The following KCNH8 variants were observed in gnomAD, a reference collection of about 807,000 sequenced individuals.
The protein encoded by KCNH8 is potassium voltage-gated channel subfamily H member 8.
Under a neutral mutation model 103.6 loss-of-function variants are expected in KCNH8, and 70 were observed. The observed-to-expected ratio is 0.68, with a 90% confidence interval of 0.56 to 0.82. KCNH8 has a LOEUF of 0.82. Among genes scored for constraint, KCNH8 ranks in the 40% least tolerant of loss-of-function variants. The pLI is 0.00. For missense variants in KCNH8, 1,217 were observed against 1,329.9 expected (o/e 0.92, Z 1.32); for synonymous variants, 498 against 489.4 (o/e 1.02, Z -0.23).
chr3:19,200,897 A>G (rs2063651550), intron 1 of KCNH8, among the ~76,000 whole-genome samples: 1 of 152,094 alleles, frequency 6.6e-6, no homozygotes, highest in African/African-American at 2.4e-5. Flanking sequence ...ATTTTGAAGT[A>G]TGTAAAAAAA....
At position 19,347,750 on chromosome 3, in the gene KCNH8, T is replaced by A; in HGVS notation, c.596T>A (p.Phe199Tyr). 6.2e-7 allele frequency: 1 copy of A among 1,613,128 alleles called. No homozygotes were observed. The highest frequency in any genetic ancestry group is 8.5e-7 in the Non-Finnish European group (1 of 1,179,324). ...AATGTTTTTGTAGATAAACCAGCATTTCCGGAGTATAAAGTTTCTGATGCA... is the reference window on the plus strand; with the variant it reads ...AATGTTTTTGTAGATAAACCAGCATATCCGGAGTATAAAGTTTCTGATGCA... ...NNNVFVDKPA[F>Y]PEYKVSDAKK... The change falls in exon 5 of 16, where the codon TTT (phenylalanine) becomes TAT (tyrosine). Residue 199 changes from phenylalanine (F) to tyrosine (Y), a missense_variant. By Grantham distance (22) the Phe-to-Tyr change is conservative. This residue lies in a region of KCNH8 where 244 missense variants were observed against 256.8 expected (regional missense o/e 0.95). Coordinates refer to ENST00000328405, the MANE Select transcript of KCNH8 (RefSeq NM_144633.3).
At chr3:19,414,356 T>C (rs1030771255) in intron 7 of KCNH8, among the ~76,000 whole-genome samples, 1 of 151,570 alleles carries the variant, frequency 6.6e-6, no homozygotes, top group Non-Finnish European at 1.5e-5. Context: ...CTAAATAAAA[T>C]TTAAAATAGA....
At position 19,493,813 on chromosome 3, in the gene KCNH8, T is replaced by C. The variant is rs566718743; in HGVS notation, c.2041-16550T>C. Among the ~76,000 whole-genome samples the C allele has an allele frequency of 3.3e-5, 5 of 152,312 alleles. No homozygotes were observed. The East Asian group carries it at 9.6e-4, about 29-fold the overall frequency. ...TCCTTATGTCATTTATATTACAAATTACATTAGTACATGATGAACCATTAA... is the reference window on the plus strand; with the variant it reads ...TCCTTATGTCATTTATATTACAAATCACATTAGTACATGATGAACCATTAA... On this transcript the variant is annotated intron_variant, in intron 11 of 15. Transcript: ENST00000328405.
intron 2 of KCNH8, among the ~76,000 whole-genome samples, chr3:19,266,840 C>T (rs2064519601): frequency 6.6e-6 from 1 of 152,116 alleles, no homozygotes; most frequent in African/African-American, 2.4e-5. Flanking sequence ...CCTCTGACCT[C>T]ATCCTTCACT....
At chr3:19,467,247 C>G (rs940996333) in intron 11 of KCNH8, among the ~76,000 whole-genome samples, 4 of 150,634 alleles carry the variant, frequency 2.7e-5, no homozygotes, top group Admixed American at 2.0e-4. Context: ...GTTAAAATAT[C>G]CTGAGGGAAA....
chr3:19,166,481 G>A (rs530736171), intron 1 of KCNH8, among the ~76,000 whole-genome samples: 87 of 152,284 alleles, frequency 5.7e-4, no homozygotes, highest in African/African-American at 2.1e-3. Flanking sequence ...ACTCAATCCT[G>A]TTGATCAGTG....
At position 19,354,747 on chromosome 3, in the gene KCNH8, T is replaced by C. The variant is rs557611914; in HGVS notation, c.811+6782T>C. On this transcript the variant is annotated intron_variant, in intron 5 of 15. Transcript: ENST00000328405. The stretch of plus-strand genomic sequence containing the variant: ...AAATTAATTCAAGATGGATTAAAGA[T>C]TTAAATGTTAGACCTAAAACCATAA... Among the ~76,000 whole-genome samples, 1,155 of 152,054 alleles carry C rather than the reference T, an allele frequency of 7.6e-3. 10 individuals carry two copies. Among genetic ancestry groups the C allele is most frequent in the African/African-American group, 0.026 (1,075 of 41,536 alleles).
In KCNH8 at chr3:19,307,758, G is replaced by A. The variant is rs376759757; in HGVS notation, c.442+26429G>A. Among the ~76,000 whole-genome samples, 6 of 151,988 alleles carry A rather than the reference G, an allele frequency of 3.9e-5. No individual in the cohort carries two copies. The South Asian group carries it at 6.2e-4, about 16-fold the overall frequency. On this transcript the variant is annotated intron_variant, in intron 3 of 15. Transcript: ENST00000328405. ...TCCCGTCATTCATGGCAACGTGGTT[G>A]GAACTGAAAGACATTATGTTAAGTG...
intron 3 of KCNH8, among the ~76,000 whole-genome samples, chr3:19,290,399 T>C (rs1050823082): frequency 1.3e-5 from 2 of 152,214 alleles, no homozygotes; most frequent in African/African-American, 4.8e-5. Flanking sequence ...ATATAGCTCT[T>C]ATTATTTTGA....
chr3:19,185,021 A>G (rs1444723278), intron 1 of KCNH8, among the ~76,000 whole-genome samples: 4 of 151,886 alleles, frequency 2.6e-5, no homozygotes, highest in African/African-American at 9.7e-5. Context: ...TTATCCATAT[A>G]CCAGTTGTTG....
rs146510312 is a variant in KCNH8, at chr3:19,158,346, A to G, written c.76+9551A>G. ...TTTTTCTGTATATTTTAGTACTACAATTTTAATTATAGAATATTTGTGATA... is the reference window on the plus strand; with the variant it reads ...TTTTTCTGTATATTTTAGTACTACAGTTTTAATTATAGAATATTTGTGATA... On this transcript the variant is annotated intron_variant, in intron 1 of 15. Coordinates refer to ENST00000328405, the MANE Select transcript of KCNH8 (RefSeq NM_144633.3). 7.6e-4 allele frequency among the ~76,000 whole-genome samples: 116 copies of G among 151,756 alleles called. No homozygotes were observed. In the South Asian group the frequency reaches 0.013, roughly 17 times the overall value.
intron 1 of KCNH8, among the ~76,000 whole-genome samples, chr3:19,167,314 A>G (rs2063295343): frequency 1.3e-5 from 2 of 152,220 alleles, no homozygotes; most frequent in Non-Finnish European, 2.9e-5. Flanking sequence ...CATTGAAGCA[A>G]TGTTGGTTTT....
chr3:19,181,597 A>G (rs1482298434), intron 1 of KCNH8, among the ~76,000 whole-genome samples: 2 of 152,230 alleles, frequency 1.3e-5, no homozygotes, highest in Non-Finnish European at 2.9e-5. Flanking sequence ...TAATAACTAT[A>G]TGTAATAGAT....
intron 4 of KCNH8, among the ~76,000 whole-genome samples, chr3:19,347,289 T>G (rs2065741587): frequency 2.0e-5 from 3 of 152,080 alleles, no homozygotes; most frequent in Admixed American, 6.6e-5. Context: ...ATTGCTGTCA[T>G]CAGTAAAATA....
At chr3:19,502,985 C>T (rs1239547489) in intron 11 of KCNH8, among the ~76,000 whole-genome samples, 1 of 151,892 alleles carries the variant, frequency 6.6e-6, no homozygotes, top group Non-Finnish European at 1.5e-5. Flanking sequence ...TCAGAGTGAA[C>T]AGGCAACCTA....
chr3:19,294,070 C>T (rs1052437877), intron 3 of KCNH8, among the ~76,000 whole-genome samples: 1 of 152,102 alleles, frequency 6.6e-6, no homozygotes, highest in East Asian at 1.9e-4. Context: ...TTACCTTAGT[C>T]TTAGCCTCTC....
intron 11 of KCNH8, among the ~76,000 whole-genome samples, chr3:19,458,996 C>A (rs1033481999): frequency 1.3e-5 from 2 of 151,868 alleles, no homozygotes; most frequent in Non-Finnish European, 2.9e-5. Context: ...ATTCATTTGT[C>A]TGTTGTTGGA....
At chr3:19,484,027 C>G (rs1289141088) in intron 11 of KCNH8, among the ~76,000 whole-genome samples, 3 of 152,014 alleles carry the variant, frequency 2.0e-5, no homozygotes, top group Non-Finnish European at 4.4e-5. Context: ...TTAAGAGAGT[C>G]ACATTTCCTT....
At chr3:19,334,269 C>A (rs778017587) in intron 3 of KCNH8, among the ~76,000 whole-genome samples, 22 of 152,156 alleles carry the variant, frequency 1.4e-4, no homozygotes, top group Non-Finnish European at 3.1e-4. Context: ...TAGTCCTGAG[C>A]AGGCATCTGG....
Sources: allele counts gnomAD v4.1 joint callset (sites outside exome capture counted in the v4.1 genomes callset), GRCh38; gene constraint gnomAD v4.1.1; regional missense constraint gnomAD v4.1.1; transcripts MANE v1.5; gene names NCBI Gene and HGNC (gene_info 2026-07-23, HGNC 2026-07-21).